Variants in RIMS2 observed in about 807,000 individuals in gnomAD.
The protein encoded by RIMS2 is regulating synaptic membrane exocytosis protein 2.
A neutral mutation model predicts 174.4 loss-of-function variants in RIMS2; 59 were observed. That is an observed-to-expected ratio of 0.34 (90% CI 0.27 to 0.42). The LOEUF (loss-of-function observed/expected upper bound fraction) is 0.42. RIMS2 is among the 10% of genes least tolerant of loss of function. The pLI is 1.00. For missense variants in RIMS2, 1,620 were observed against 1,666.3 expected (o/e 0.97, Z 0.48); for synonymous variants, 606 against 572.5 (o/e 1.06, Z -0.84).
chr8:103,863,945 G>A (rs2099072430), intron 3 of RIMS2, among the ~76,000 whole-genome samples: 1 of 139,298 alleles, frequency 7.2e-6, no homozygotes, highest in Non-Finnish European at 1.5e-5. Context: ...GTCTTGCTCT[G>A]TCGTCCAGGC....
intron 1 of RIMS2, among the ~76,000 whole-genome samples, chr8:103,506,068 A>G (rs1459899270): frequency 6.6e-6 from 1 of 152,132 alleles, no homozygotes; most frequent in African/African-American, 2.4e-5. Flanking sequence ...AAAAAGTACC[A>G]ATTGAATCAT....
At chr8:103,922,728 C>T in intron 10 of RIMS2, 18 of 307,638 alleles carry the variant, frequency 5.9e-5, no homozygotes, top group South Asian at 1.7e-4. Context: ...GAAATTTCTC[C>T]TTTGGTTTTT....
At position 104,101,842 on chromosome 8, in the gene RIMS2, A is replaced by G. The variant is rs78419900; in HGVS notation, c.3334+87227A>G. On this transcript the variant is annotated intron_variant, in intron 19 of 23. Transcript: ENST00000504942. ...ATATTTTATCAGGCAAACTTTATTT[A>G]GAATTTGATCTCATTGCCAATCTCT... Among the ~76,000 whole-genome samples, 31 of 152,258 alleles carry G rather than the reference A, an allele frequency of 2.0e-4. No individual in the cohort carries two copies. The East Asian group carries it at 3.7e-3, about 18-fold the overall frequency.
intron 19 of RIMS2, among the ~76,000 whole-genome samples, chr8:104,185,272 C>G (rs1586801140): frequency 6.6e-6 from 1 of 151,406 alleles, no homozygotes; most frequent in African/African-American, 2.4e-5. Flanking sequence ...GTATGTTTTT[C>G]CTTCCTGGTA....
At chr8:103,858,613 G>A (rs12114508) in intron 3 of RIMS2, among the ~76,000 whole-genome samples, 3,815 of 150,584 alleles carry the variant, frequency 0.025, 157 homozygotes, top group African/African-American at 0.087. Context: ...CTGTGTGTGT[G>A]TGTATATATA....
At chr8:104,113,820 G>A (rs1444418006) in intron 19 of RIMS2, among the ~76,000 whole-genome samples, 2 of 151,530 alleles carry the variant, frequency 1.3e-5, no homozygotes, top group African/African-American at 4.8e-5. Context: ...AATAGAACAG[G>A]CTACTCCCCC....
chr8:103,556,668 A>G (rs1850595799), intron 1 of RIMS2, among the ~76,000 whole-genome samples: 1 of 152,168 alleles, frequency 6.6e-6, no homozygotes, highest in Non-Finnish European at 1.5e-5. Context: ...GAACTCAGAG[A>G]GTATTTTGTA....
chr8:103,580,450 T>C (rs1175293886), intron 1 of RIMS2, among the ~76,000 whole-genome samples: 1 of 118,328 alleles, frequency 8.5e-6, no homozygotes, highest in African/African-American at 2.6e-5. Flanking sequence ...TGTGCATGTG[T>C]GTGTGTGTGT....
intron 1 of RIMS2, among the ~76,000 whole-genome samples, chr8:103,685,823 C>T (rs2096934230): frequency 6.6e-6 from 1 of 151,910 alleles, no homozygotes; most frequent in Non-Finnish European, 1.5e-5. Flanking sequence ...TTTTGTTTTT[C>T]ACATAAATTT....
chr8:103,644,821 G>A (rs1365360337), intron 1 of RIMS2, among the ~76,000 whole-genome samples: 1 of 151,578 alleles, frequency 6.6e-6, no homozygotes, highest in Admixed American at 6.6e-5. Flanking sequence ...TTATGCCTAT[G>A]TTTTCTAGTA....
At chr8:104,184,293 A>G (rs372952099) in intron 19 of RIMS2, among the ~76,000 whole-genome samples, 8 of 151,590 alleles carry the variant, frequency 5.3e-5, no homozygotes, top group Admixed American at 5.3e-4. Context: ...GTTTGCTTAT[A>G]CTAAATTGGG....
intron 2 of RIMS2, among the ~76,000 whole-genome samples, chr8:103,741,366 A>G (rs2097760299): frequency 2.0e-5 from 3 of 152,244 alleles, no homozygotes; most frequent in Middle Eastern, 3.4e-3. Context: ...GTTGGTTAGA[A>G]CAATTCACTC....
At chr8:104,024,981 G>A (rs970366666) in intron 19 of RIMS2, among the ~76,000 whole-genome samples, 1 of 152,120 alleles carries the variant, frequency 6.6e-6, no homozygotes, top group Non-Finnish European at 1.5e-5. Flanking sequence ...ACTATCCCAA[G>A]CTATTGTCAC....
intron 19 of RIMS2, among the ~76,000 whole-genome samples, chr8:104,240,371 A>G (rs1469489180): frequency 5.3e-5 from 8 of 152,250 alleles, no homozygotes; most frequent in Admixed American, 2.0e-4. Context: ...CATTTGGAAC[A>G]TTAAATGTGA....
downstream of RIMS2, chr8:104,254,958 GGT>G (rs1388956514): frequency 6.6e-6 from 1 of 152,174 alleles, no homozygotes; most frequent in African/African-American, 2.4e-5. Context: ...GATATGAATG[GGT>G]GAGAGGATTT....
chr8:104,220,284 A>T (rs35092536), intron 19 of RIMS2, among the ~76,000 whole-genome samples: 28,431 of 146,792 alleles, frequency 0.19, 2,903 homozygotes, highest in Non-Finnish European at 0.23. Context: ...CTAGGAAAAA[A>T]ATATCAAAAA....
intron 19 of RIMS2, among the ~76,000 whole-genome samples, chr8:104,213,757 G>A (rs1406561208): frequency 4.0e-5 from 6 of 150,412 alleles, no homozygotes; most frequent in Admixed American, 1.3e-4. Flanking sequence ...CGCGCCTGTA[G>A]TCCCTGCTAC....
intron 4 of RIMS2, among the ~76,000 whole-genome samples, chr8:103,889,393 T>C (rs1017745093): frequency 3.3e-5 from 5 of 151,842 alleles, no homozygotes; most frequent in Admixed American, 2.6e-4. Flanking sequence ...TCTTTACTTT[T>C]CTGTTTTTTT....
intron 19 of RIMS2, among the ~76,000 whole-genome samples, chr8:104,170,578 A>G (rs1586464539): frequency 6.6e-6 from 1 of 152,110 alleles, no homozygotes; most frequent in African/African-American, 2.4e-5. Flanking sequence ...TCTTAAAGAT[A>G]GCAAGTATTT....
Sources: gnomAD v4.1 joint callset for allele counts (sites outside exome capture counted in the v4.1 genomes callset) on GRCh38, gnomAD v4.1.1 for gene constraint, MANE v1.5 for transcripts, NCBI Gene and HGNC (gene_info 2026-07-23, HGNC 2026-07-21) for gene names.